The following LRRC53 variants were observed in gnomAD, a reference collection of about 807,000 sequenced individuals.
LRRC53 encodes the protein leucine rich repeat containing 53, also known as leucine-rich repeat-containing protein 53.
In LRRC53, 25 loss-of-function variants were observed where a neutral mutation model predicts 13.6. The ratio of observed to expected loss-of-function variants is 1.83; its 90% CI spans 1.34 to 2.56. LRRC53 has a LOEUF of 2.56. LRRC53 is among the 30% of genes most tolerant of loss of function. The pLI is 0.00. For missense variants in LRRC53, 527 were observed against 275.8 expected (o/e 1.91, Z -6.45); for synonymous variants, 204 against 109.8 (o/e 1.86, Z -5.37).
At chr1:74,515,141 G>A (rs74095307), upstream of LRRC53, among the ~76,000 whole-genome samples, 6,037 of 152,118 alleles carry the variant, frequency 0.04, 393 homozygotes, top group African/African-American at 0.14. Context: ...CTTTTAACCT[G>A]CATAACAGTG....
chr1:74,521,824 T>C, the LRRC53 span, among the ~76,000 whole-genome samples: 1 of 152,190 alleles, frequency 6.6e-6, no homozygotes, highest in Non-Finnish European at 1.5e-5. Context: ...AAATGTTAAG[T>C]GTTTTGATCC....
chr1:74,496,801 C>T (rs1669348806), intron 1 of LRRC53, among the ~76,000 whole-genome samples: 1 of 152,166 alleles, frequency 6.6e-6, no homozygotes, highest in South Asian at 2.1e-4. Context: ...GAAAACTAAG[C>T]ATGTGGCAGT....
chr1:74,504,651 AG>A (rs1220516530), intron 1 of LRRC53, among the ~76,000 whole-genome samples: 17 of 152,276 alleles, frequency 1.1e-4, no homozygotes, highest in Admixed American at 3.9e-4. Flanking sequence ...AAAAAATTTA[AG>A]TACCTGGATT....
intron 1 of LRRC53, among the ~76,000 whole-genome samples, chr1:74,493,440 T>C (rs1198799857): frequency 1.3e-5 from 2 of 152,060 alleles, no homozygotes; most frequent in African/African-American, 4.8e-5. Context: ...GAAAAAGAAA[T>C]CAACATTCTT....
Position 74,470,406 on chromosome 1 carries a change from T to G in LRRC53, c.3216A>C (p.Glu1072Asp). 1 of 400,770 alleles carries G rather than the reference T, an allele frequency of 2.5e-6. No individual in the cohort carries two copies. Among genetic ancestry groups the G allele is most frequent in the Non-Finnish European group, 4.4e-6 (1 of 226,214 alleles). The allele number at this position is 400,770 out of a possible 1,614,324, so 24.8% of individuals were successfully genotyped here. The change falls in exon 5 of 5, where the codon GAA becomes GAC. Residue 1072 changes from glutamate (E) to aspartate (D), a missense_variant. Coordinates refer to ENST00000294635, the MANE Select transcript of LRRC53 (RefSeq NM_001382280.1). ...TNALPRNDGT[E>D]ALEIKIVGKE... ...TCCCTACTATTTTTATCTCTAGTGC[T>G]TCAGTGCCGTCATTTCTGGGCAATG...
chr1:74,494,034 G>T (rs1392058822), intron 1 of LRRC53, among the ~76,000 whole-genome samples: 1 of 152,142 alleles, frequency 6.6e-6, no homozygotes, highest in African/African-American at 2.4e-5. Context: ...AGCAAAGAAG[G>T]CAGTCACTGT....
chr1:74,531,087 G>A, the LRRC53 span, among the ~76,000 whole-genome samples: 1 of 152,180 alleles, frequency 6.6e-6, no homozygotes, highest in African/African-American at 2.4e-5. Flanking sequence ...TGACCTGGTT[G>A]CCAAGTCTTT....
At chr1:74,527,266 A>T in the LRRC53 span, among the ~76,000 whole-genome samples, 1,153 of 152,316 alleles carry the variant, frequency 7.6e-3, 17 homozygotes, top group African/African-American at 0.025. Flanking sequence ...TTCACCAATG[A>T]CCACAAACTT....
chr1:74,469,678 A>G lies in LRRC53; in HGVS notation c.*200T>C. 2.6e-6 allele frequency: 1 copy of G among 382,064 alleles called. No individual in the cohort carries two copies. The highest frequency in any genetic ancestry group is 1.5e-4 in the South Asian group (1 of 6,884). 23.7% of individuals were successfully genotyped at this position (382,064 alleles called of 1,614,324 possible). On this transcript the variant is annotated 3_prime_UTR_variant, in exon 5 of 5. Transcript: ENST00000294635. ...AGAAGCATACTCAGTTAATTGTGTCAGACGTATCCTATGACTCCATCTTTG... is the reference window on the plus strand; with the variant it reads ...AGAAGCATACTCAGTTAATTGTGTCGGACGTATCCTATGACTCCATCTTTG...
intron 1 of LRRC53, among the ~76,000 whole-genome samples, chr1:74,501,003 A>T (rs1642799965): frequency 6.6e-6 from 1 of 152,158 alleles, no homozygotes; most frequent in Admixed American, 6.5e-5. Context: ...TTGAAAATTG[A>T]CATCTTTCAT....
chr1:74,528,722 A>G, the LRRC53 span, among the ~76,000 whole-genome samples: 1 of 152,244 alleles, frequency 6.6e-6, no homozygotes, highest in Non-Finnish European at 1.5e-5. Flanking sequence ...TTACACACCT[A>G]TGTATGCTCA....
chr1:74,513,983 A>G (rs1156808125), upstream of LRRC53, among the ~76,000 whole-genome samples: 1 of 152,228 alleles, frequency 6.6e-6, no homozygotes, highest in Non-Finnish European at 1.5e-5. Flanking sequence ...AAGTAAAGTT[A>G]TCTTTGGTTG....
intron 1 of LRRC53, among the ~76,000 whole-genome samples, chr1:74,510,226 G>C (rs1402628403): frequency 6.6e-6 from 1 of 152,116 alleles, no homozygotes; most frequent in African/African-American, 2.4e-5. Context: ...AAGATCTGAG[G>C]CCAGGTGCAG....
intron 1 of LRRC53, among the ~76,000 whole-genome samples, chr1:74,484,408 C>G (rs983922006): frequency 1.3e-5 from 2 of 152,158 alleles, no homozygotes; most frequent in African/African-American, 2.4e-5. Flanking sequence ...TGACAAGCAC[C>G]TGCCCTTGTG....
chr1:74,526,829 T>C, the LRRC53 span, among the ~76,000 whole-genome samples: 34 of 152,132 alleles, frequency 2.2e-4, no homozygotes, highest in Non-Finnish European at 4.4e-4. Flanking sequence ...AAAGAAGAGA[T>C]TGGTAAACTA....
At chr1:74,477,962 TGTAA>T (rs1011973558) in intron 3 of LRRC53, among the ~76,000 whole-genome samples, 15 of 152,200 alleles carry the variant, frequency 9.9e-5, no homozygotes, top group African/African-American at 2.7e-4. Flanking sequence ...CAGTTCATAG[TGTAA>T]GTGTCAAGAT....
chr1:74,474,461 C>A (rs1668091864), intron 4 of LRRC53, among the ~76,000 whole-genome samples: 1 of 152,080 alleles, frequency 6.6e-6, no homozygotes, highest in Non-Finnish European at 1.5e-5. Flanking sequence ...CCAGTCGCCC[C>A]AAAATGCATC....
rs1369207146 is a variant in LRRC53 at position 74,480,730 on chromosome 1, C to A, written c.327G>T (p.Leu109=). 1 of 717,360 alleles carries A rather than the reference C, an allele frequency of 1.4e-6. No individual in the cohort carries two copies. The highest frequency in any genetic ancestry group is 2.0e-5 in the Admixed American group (1 of 49,992). 44.4% of individuals were successfully genotyped at this position (717,360 alleles called of 1,614,324 possible). Residue 109 remains leucine (L), a synonymous_variant, in exon 3 of 5, where the codon CTG becomes CTT. Transcript: ENST00000294635. ...CATTATTGCTCAGCACCAGTACCTG[C>A]AGGCTGTGAAGCTTGCTGAAGGTGT... ...TDHTFSKLHS[L]QVLVLSNNAL...
Position 74,475,730 on chromosome 1 carries a change from C to A in LRRC53, c.985G>T (p.Glu329Ter), listed in dbSNP as rs1227696193. The A allele has an allele frequency of 4.4e-6, 3 of 687,010 alleles. No homozygotes were observed. Among genetic ancestry groups the A allele is most frequent in the South Asian group, 1.6e-5 (1 of 62,868 alleles). 42.6% of individuals were successfully genotyped at this position (687,010 alleles called of 1,614,324 possible). A position where few individuals can be genotyped will look rare whatever the true frequency, so the allele number is the denominator to read the frequency against. Residue 329 changes from glutamate to a stop codon, truncating the protein, a stop_gained, in exon 4 of 5, where the codon GAA becomes TAA. Transcript: ENST00000294635. LOFTEE classifies it high-confidence loss of function. ...TCGAAGGTTCTGCAACAAAGGTTTTCTGATGTGTGTTCATTTGCTTTGCCT... is the reference window on the plus strand; with the variant it reads ...TCGAAGGTTCTGCAACAAAGGTTTTATGATGTGTGTTCATTTGCTTTGCCT... ...HQGKANEHTS[E>*]NLCCRTFDEP...
Sources: allele counts gnomAD v4.1 joint callset (sites outside exome capture counted in the v4.1 genomes callset), GRCh38; gene constraint gnomAD v4.1.1; transcripts MANE v1.5; gene names NCBI Gene and HGNC (gene_info 2026-07-23, HGNC 2026-07-21).